Variants in WSCD2 observed in about 807,000 individuals in gnomAD.
The protein encoded by WSCD2 is WSC domain sialate O sulfotransferase 2, also known as sialate:O-sulfotransferase 2.
In WSCD2, 28 loss-of-function variants were observed where a neutral mutation model predicts 55.7. That is an observed-to-expected ratio of 0.50 (90% CI 0.37 to 0.69). The LOEUF (loss-of-function observed/expected upper bound fraction) is 0.69. Among genes scored for constraint, WSCD2 ranks in the 30% least tolerant of loss-of-function variants. WSCD2 has a pLI of 0.00. For synonymous variants in WSCD2, 301 were observed against 301.9 expected (o/e 1.00, Z 0.03); for missense variants, 616 against 762.1 (o/e 0.81, Z 2.26).
chr12:108,148,420 T>C (rs1405020141), intron 1 of WSCD2, among the ~76,000 whole-genome samples: 2 of 151,988 alleles, frequency 1.3e-5, no homozygotes, highest in Non-Finnish European at 2.9e-5. Flanking sequence ...AATAAGTGAG[T>C]GTGGTGTGAG....
chr12:108,223,789 A>G (rs1188511097), intron 4 of WSCD2, among the ~76,000 whole-genome samples: 1 of 152,062 alleles, frequency 6.6e-6, no homozygotes, highest in Non-Finnish European at 1.5e-5. Context: ...ATAGCCAAAA[A>G]CTGACTGACA....
intron 7 of WSCD2, among the ~76,000 whole-genome samples, chr12:108,234,768 C>T (rs565510722): frequency 6.6e-6 from 1 of 152,200 alleles, no homozygotes; most frequent in Non-Finnish European, 1.5e-5. Context: ...GTGGCAGCAA[C>T]CCTACTCATG....
At chr12:108,199,866 C>T (rs1307204363) in intron 2 of WSCD2, among the ~76,000 whole-genome samples, 1 of 152,198 alleles carries the variant, frequency 6.6e-6, no homozygotes, top group African/African-American at 2.4e-5. Context: ...AGCACTACAT[C>T]ACGTCACTTC....
chr12:108,249,942 T>C lies in WSCD2; in HGVS notation c.*1599T>C, dbSNP rs1890338679. The C allele has an allele frequency of 6.6e-6, 1 of 152,626 alleles. No individual in the cohort carries two copies. The highest frequency in any genetic ancestry group is 1.5e-5 in the Non-Finnish European group (1 of 68,054). The allele number at this position is 152,626 out of a possible 1,614,324, so 9.5% of individuals were successfully genotyped here. On this transcript the variant is annotated 3_prime_UTR_variant, in exon 9 of 9. Transcript: ENST00000547525. ...CCCCAGGAGAATTTTTAGTCTTCTT[T>C]CATGAAGCAGTGGAGGGGTTGGCCT...
At chr12:108,202,891 G>A (rs533289258) in intron 2 of WSCD2, among the ~76,000 whole-genome samples, 224 of 152,314 alleles carry the variant, frequency 1.5e-3, no homozygotes, top group South Asian at 3.7e-3. Flanking sequence ...CCAGGCTTTG[G>A]GGAAGATGGA....
In WSCD2 at chr12:108,248,907, C is replaced by G. The variant is rs1890272851; in HGVS notation, c.*564C>G. On this transcript the variant is annotated 3_prime_UTR_variant, in exon 9 of 9. Coordinates refer to ENST00000547525, the MANE Select transcript of WSCD2 (RefSeq NM_014653.4). This position sits in a 1 kb window ranked among gnomAD's most constrained non-coding sequence, Gnocchi z 4.3. ...TCCGTGGCCTTAGGTTTCTGACATC[C>G]TGGATAGTGTGGGGAGGTAATGGTG... 1.0e-6 allele frequency: 1 copy of G among 988,686 alleles called. No individual in the cohort carries two copies. The highest frequency in any genetic ancestry group is 1.7e-5 in the African/African-American group (1 of 57,370). The allele number at this position is 988,686 out of a possible 1,614,324, so 61.2% of individuals were successfully genotyped here.
chr12:108,245,724 T>TGC (rs1436522988), intron 8 of WSCD2, among the ~76,000 whole-genome samples: 11 of 152,194 alleles, frequency 7.2e-5, no homozygotes, highest in African/African-American at 2.7e-4. Context: ...AGTGGGGAAA[T>TGC]TCTGAAAAAG....
At chr12:108,137,356 G>A (rs1302321260) in intron 1 of WSCD2, among the ~76,000 whole-genome samples, 2 of 152,198 alleles carry the variant, frequency 1.3e-5, no homozygotes, top group African/African-American at 4.8e-5. Context: ...TATCAGAAAA[G>A]AGCCAGCATT....
chr12:108,197,936 G>T (rs998092922), intron 2 of WSCD2, among the ~76,000 whole-genome samples: 2 of 147,756 alleles, frequency 1.4e-5, no homozygotes, highest in Non-Finnish European at 3.0e-5. Context: ...CTTCTATCTG[G>T]GATGCCGTCT....
intron 1 of WSCD2, among the ~76,000 whole-genome samples, chr12:108,161,701 C>T (rs903109486): frequency 2.0e-5 from 3 of 152,140 alleles, no homozygotes; most frequent in Non-Finnish European, 4.4e-5. Flanking sequence ...GCACAGAGCC[C>T]GGCACAAAGC....
At chr12:108,244,676 G>C in intron 8 of WSCD2, 1 of 691,456 alleles carries the variant, frequency 1.4e-6, no homozygotes, top group Non-Finnish European at 2.6e-6. Context: ...GTGGGGAGGA[G>C]CTGGGTCCTG....
chr12:108,218,722 C>T (rs900555294), intron 4 of WSCD2, among the ~76,000 whole-genome samples: 2 of 152,204 alleles, frequency 1.3e-5, no homozygotes, highest in Non-Finnish European at 2.9e-5. Flanking sequence ...CTTGCTTCAG[C>T]TTTCACATAC....
intron 2 of WSCD2, among the ~76,000 whole-genome samples, chr12:108,203,072 C>T (rs148618460): frequency 2.0e-5 from 3 of 152,330 alleles, no homozygotes; most frequent in African/African-American, 7.2e-5. Flanking sequence ...CAGACCTGGA[C>T]ATGGATTTGG....
chr12:108,243,475 C>T (rs190948166), intron 8 of WSCD2, among the ~76,000 whole-genome samples: 95 of 152,310 alleles, frequency 6.2e-4, no homozygotes, highest in Non-Finnish European at 1.3e-3. Flanking sequence ...ACCTCGTGAT[C>T]CACCTGCCTC....
intron 1 of WSCD2, among the ~76,000 whole-genome samples, chr12:108,169,643 A>G (rs899524509): frequency 6.6e-6 from 1 of 152,130 alleles, no homozygotes; most frequent in African/African-American, 2.4e-5. Flanking sequence ...ACATGCAAAC[A>G]TCTGCATAAA....
chr12:108,173,839 T>G (rs1565933363), intron 1 of WSCD2, among the ~76,000 whole-genome samples: 1 of 151,574 alleles, frequency 6.6e-6, no homozygotes, highest in Non-Finnish European at 1.5e-5. Context: ...TGTGTGTGTG[T>G]GTGTGTGTGT....
chr12:108,233,047 ACC>A, intron 7 of WSCD2, 152 bp downstream of exon 7: 1 of 980,136 alleles, frequency 1.0e-6, no homozygotes, highest in Non-Finnish European at 1.5e-6. Context: ...CATGCTTGGT[ACC>A]CCCCCACCTT....
chr12:108,240,338 G>A lies in WSCD2; in HGVS notation c.1145-6G>A, dbSNP rs1391084470. The A allele has an allele frequency of 3.7e-6, 6 of 1,613,710 alleles. No individual in the cohort carries two copies. Among genetic ancestry groups the A allele is most frequent in the Non-Finnish European group, 5.1e-6 (6 of 1,180,026 alleles). ...AGTCCTGTTCCTCACCTCTGGCTGC[G>A]GGAAGGGTTTAAAGGTGAGCGGGAC... On this transcript the variant is annotated splice_polypyrimidine_tract_variant and splice_region_variant and intron_variant, in intron 7 of 8. Coordinates refer to ENST00000547525, the MANE Select transcript of WSCD2 (RefSeq NM_014653.4).
intron 1 of WSCD2, chr12:108,171,861 A>G (rs1048258348): frequency 6.6e-6 from 1 of 152,240 alleles, no homozygotes; most frequent in Non-Finnish European, 1.5e-5. Flanking sequence ...AATTTTGTCA[A>G]ACTGTATGAT....
Sources: gnomAD v4.1 joint callset for allele counts (sites outside exome capture counted in the v4.1 genomes callset) on GRCh38, gnomAD v4.1.1 for gene constraint, Gnocchi (gnomAD v3.1) non-coding constraint, MANE v1.5 for transcripts, NCBI Gene and HGNC (gene_info 2026-07-23, HGNC 2026-07-21) for gene names.